SYT1: variants seen among roughly 807,000 people sequenced by gnomAD.
SYT1 encodes synaptotagmin 1.
In SYT1, 8 loss-of-function variants were observed where a neutral mutation model predicts 44.8. The ratio of observed to expected loss-of-function variants is 0.18; its 90% CI spans 0.10 to 0.32. The LOEUF (loss-of-function observed/expected upper bound fraction) is 0.32. Ranked by LOEUF, SYT1 falls within the 10% of genes least tolerant of loss-of-function variation. The pLI is 1.00. For missense variants in SYT1, 286 were observed against 509.3 expected, an observed-to-expected ratio of 0.56 and a Z score of 4.22; for synonymous variants, 154 against 188.8, an observed-to-expected ratio of 0.82 and a Z score of 1.51.
chr12:78,951,687 G>A (rs560923891), intron 1 of SYT1, among the ~76,000 whole-genome samples: 47 of 152,154 alleles, frequency 3.1e-4, no homozygotes, highest in Non-Finnish European at 5.9e-4. Context: ...CTCCTAGTCT[G>A]TATTTTGAGT....
intron 10 of SYT1, among the ~76,000 whole-genome samples, chr12:79,446,207 T>A (rs1488199126): frequency 6.6e-6 from 1 of 151,588 alleles, no homozygotes; most frequent in Non-Finnish European, 1.5e-5. Flanking sequence ...CAAAGTGACA[T>A]TATGCATATA....
chr12:78,876,695 G>A (rs1415712081), intron 1 of SYT1, among the ~76,000 whole-genome samples: 3 of 94,134 alleles, frequency 3.2e-5, no homozygotes, highest in African/African-American at 1.2e-4. Flanking sequence ...ATACACACAT[G>A]TAGTATATTA....
At chr12:79,066,501 AC>A (rs34783498) in intron 3 of SYT1, among the ~76,000 whole-genome samples, 22,982 of 151,196 alleles carry the variant, frequency 0.15, 1,825 homozygotes, top group East Asian at 0.23. Context: ...AAAAAAAAAA[AC>A]AACTCAGTGA....
chr12:78,975,328 C>T (rs187106078), intron 1 of SYT1, among the ~76,000 whole-genome samples: 1 of 152,154 alleles, frequency 6.6e-6, no homozygotes, highest in Non-Finnish European at 1.5e-5. Flanking sequence ...TTCTGCAGGA[C>T]GAGTTCAGAG....
chr12:79,347,364 T>C (rs1012084722), intron 8 of SYT1, among the ~76,000 whole-genome samples: 1 of 152,136 alleles, frequency 6.6e-6, no homozygotes, highest in Non-Finnish European at 1.5e-5. Flanking sequence ...ATCCAATGTT[T>C]GGGGGATTCA....
chr12:79,429,690 T>G (rs1032639123), intron 9 of SYT1, among the ~76,000 whole-genome samples: 2 of 152,004 alleles, frequency 1.3e-5, no homozygotes, highest in Non-Finnish European at 1.5e-5. Context: ...CACCACGCCC[T>G]GCTAATTTTT....
At chr12:79,289,649 G>T (rs534494666) in intron 5 of SYT1, among the ~76,000 whole-genome samples, 1 of 151,928 alleles carries the variant, frequency 6.6e-6, no homozygotes, top group Non-Finnish European at 1.5e-5. Context: ...TTTTGAAAAA[G>T]GTATTTTAAT....
intron 3 of SYT1, among the ~76,000 whole-genome samples, chr12:79,079,268 A>G (rs1876868545): frequency 6.6e-6 from 1 of 152,108 alleles, no homozygotes; most frequent in Non-Finnish European, 1.5e-5. Flanking sequence ...TACAGTAATA[A>G]TTTTACTTTG....
At chr12:79,334,724 C>T (rs1039964508) in intron 8 of SYT1, among the ~76,000 whole-genome samples, 1 of 152,172 alleles carries the variant, frequency 6.6e-6, no homozygotes, top group Non-Finnish European at 1.5e-5. Flanking sequence ...ATAATACTTT[C>T]ATCATTTTTC....
At chr12:79,446,210 T>C (rs1870729313) in intron 10 of SYT1, among the ~76,000 whole-genome samples, 1 of 151,630 alleles carries the variant, frequency 6.6e-6, no homozygotes, top group Non-Finnish European at 1.5e-5. Flanking sequence ...AGTGACATTA[T>C]GCATATAAAA....
intron 1 of SYT1, among the ~76,000 whole-genome samples, chr12:78,876,633 G>A (rs1418248730): frequency 1.5e-5 from 2 of 129,936 alleles, no homozygotes; most frequent in African/African-American, 2.9e-5. Context: ...ATATACACAC[G>A]TGTACACATA....
At chr12:79,331,737 C>G (rs1881864959) in intron 8 of SYT1, among the ~76,000 whole-genome samples, 1 of 151,834 alleles carries the variant, frequency 6.6e-6, no homozygotes, top group Non-Finnish European at 1.5e-5. Flanking sequence ...TTATGAGATT[C>G]CACATGTGGA....
chr12:78,978,902 A>G (rs983934530), intron 2 of SYT1, among the ~76,000 whole-genome samples: 1 of 152,184 alleles, frequency 6.6e-6, no homozygotes, highest in East Asian at 1.9e-4. Context: ...TATTCCTATA[A>G]AATTAACCTA....
At chr12:79,193,535 A>G (rs1873255799) in intron 3 of SYT1, among the ~76,000 whole-genome samples, 1 of 152,146 alleles carries the variant, frequency 6.6e-6, no homozygotes. Context: ...GCTTATCATT[A>G]CTTATTTCCA....
chr12:79,266,972 GC>G (rs934302561), intron 4 of SYT1, among the ~76,000 whole-genome samples: 1 of 152,078 alleles, frequency 6.6e-6, no homozygotes. Context: ...AGACTCAAAC[GC>G]CCTGTTCTTC....
rs1465988287 is a variant in SYT1 at position 79,224,744 on chromosome 12, TTTATTTTTTATTA to T, written c.166+7065_166+7077del. The stretch of plus-strand genomic sequence containing the variant: ...TTTGTTTTGTTTCATTTTTTATTTA[TTTATTTTTTATTA>T]TTATTATTATTATTATTATTATTAT... On this transcript the variant is annotated intron_variant, in intron 4 of 10. Coordinates refer to ENST00000261205, the MANE Select transcript of SYT1 (RefSeq NM_005639.3). Among the ~76,000 whole-genome samples the T allele has an allele frequency of 1.2e-4, 17 of 145,828 alleles. 2 individuals are homozygous for T. The highest frequency in any genetic ancestry group is 4.0e-4 in the African/African-American group (16 of 39,786).
intron 3 of SYT1, among the ~76,000 whole-genome samples, chr12:79,184,539 G>T (rs1294197439): frequency 1.3e-5 from 2 of 149,512 alleles, no homozygotes; most frequent in African/African-American, 5.0e-5. Flanking sequence ...AGATTATAAT[G>T]AGATGAGATT....
Position 78,897,178 on chromosome 12 carries a change from G to A in SYT1, c.-217+32069G>A, listed in dbSNP as rs374648077. On this transcript the variant is annotated intron_variant, in intron 1 of 10. Coordinates refer to ENST00000261205, the MANE Select transcript of SYT1 (RefSeq NM_005639.3). Reference sequence around the variant, plus strand: ...CTTCAAATTAATTAAACTAAAACATGTCATAAGTAGCTTTTATACATGTTT... The same window carrying A: ...CTTCAAATTAATTAAACTAAAACATATCATAAGTAGCTTTTATACATGTTT... Among the ~76,000 whole-genome samples the A allele has an allele frequency of 4.1e-4, 63 of 151,838 alleles. No homozygotes were observed. In the South Asian group the frequency reaches 0.012, roughly 29 times the overall value.
intron 8 of SYT1, among the ~76,000 whole-genome samples, chr12:79,338,764 G>A (rs976275395): frequency 3.3e-5 from 5 of 150,030 alleles, no homozygotes; most frequent in South Asian, 4.2e-4. Context: ...TTGGTTTGCC[G>A]CACCCATTAA....
Sources: allele counts gnomAD v4.1 joint callset (sites outside exome capture counted in the v4.1 genomes callset), GRCh38; gene constraint gnomAD v4.1.1; transcripts MANE v1.5; gene names NCBI Gene and HGNC (gene_info 2026-07-23, HGNC 2026-07-21).